The following GOSR1 variants were observed in gnomAD, a reference collection of about 807,000 sequenced individuals.
GOSR1 encodes the protein golgi SNAP receptor complex member 1.
A neutral mutation model predicts 35.5 loss-of-function variants in GOSR1; 21 were observed. That is an observed-to-expected ratio of 0.59 (90% confidence interval 0.42 to 0.85). The LOEUF is 0.85. GOSR1 is among the 40% of genes least tolerant of loss of function. The pLI is 0.00. For synonymous variants in GOSR1, 94 were observed against 106.6 expected, an observed-to-expected ratio of 0.88 and a Z score of 0.73; for missense variants, 285 against 309.6, an observed-to-expected ratio of 0.92 and a Z score of 0.60.
chr17:30,488,577 A>G (rs1361762296), intron 4 of GOSR1, among the ~76,000 whole-genome samples: 1 of 140,458 alleles, frequency 7.1e-6, no homozygotes, highest in Non-Finnish European at 1.5e-5. Context: ...TCTGTTGCCT[A>G]GGCTGGAGTG....
chr17:30,483,517 A>G (rs552027933), intron 2 of GOSR1, among the ~76,000 whole-genome samples: 1 of 152,320 alleles, frequency 6.6e-6, no homozygotes, highest in South Asian at 2.1e-4. Context: ...TTAGTAGTCT[A>G]CAGAGCATTT....
intron 1 of GOSR1, among the ~76,000 whole-genome samples, chr17:30,480,481 G>A (rs937579709): frequency 1.3e-5 from 2 of 151,962 alleles, no homozygotes; most frequent in African/African-American, 2.4e-5. Flanking sequence ...CATATTTTTA[G>A]TTCCTTTGTG....
intron 6 of GOSR1, among the ~76,000 whole-genome samples, chr17:30,507,700 G>A (rs555081329): frequency 1.3e-5 from 2 of 148,890 alleles, no homozygotes; most frequent in African/African-American, 5.0e-5. Flanking sequence ...TCCAGCCAGG[G>A]CGACACAGCA....
intron 7 of GOSR1, among the ~76,000 whole-genome samples, 195 bp downstream of exon 7, chr17:30,511,104 T>C (rs1967596274): frequency 6.6e-6 from 1 of 152,228 alleles, no homozygotes; most frequent in Non-Finnish European, 1.5e-5. Flanking sequence ...CAAAGTAACA[T>C]TTCCATAGTT....
chr17:30,492,850 C>A (rs1369259728), intron 6 of GOSR1, 97 bp downstream of exon 6: 2 of 744,792 alleles, frequency 2.7e-6, no homozygotes, highest in African/African-American at 3.5e-5. Context: ...ATACTGAGTG[C>A]CTTGTCCATG....
In GOSR1 at chr17:30,523,884, C is replaced by T. The variant is rs1458178918; in HGVS notation, c.*1506C>T. On this transcript the variant is annotated 3_prime_UTR_variant, in exon 9 of 9. Coordinates refer to ENST00000451249, the MANE Select transcript of GOSR1 (RefSeq NM_001007025.2). ...TTGTTCTGTACTAAGAAAAATTCTTCTGCCTTGGGATCCTGTTGATCTATG... is the reference window on the plus strand; with the variant it reads ...TTGTTCTGTACTAAGAAAAATTCTTTTGCCTTGGGATCCTGTTGATCTATG... The T allele has an allele frequency of 8.9e-6, 2 of 224,644 alleles. No individual in the cohort carries two copies. Among genetic ancestry groups the T allele is most frequent in the East Asian group, 1.6e-4 (1 of 6,344 alleles). The allele number at this position is 224,644 out of a possible 1,614,324, so 13.9% of individuals were successfully genotyped here. A position where few individuals can be genotyped will look rare whatever the true frequency, so the allele number is the denominator to read the frequency against.
At position 30,523,868 on chromosome 17, in the gene GOSR1, A is replaced by G; in HGVS notation, c.*1490A>G. ...TGGGAGACTTTTCATTTTGTTCTGT[A>G]CTAAGAAAAATTCTTCTGCCTTGGG... On this transcript the variant is annotated 3_prime_UTR_variant, in exon 9 of 9. Coordinates refer to ENST00000451249, the MANE Select transcript of GOSR1 (RefSeq NM_001007025.2). 4.6e-6 allele frequency: 1 copy of G among 215,490 alleles called. No homozygotes were observed. Among genetic ancestry groups the G allele is most frequent in the Non-Finnish European group, 9.0e-6 (1 of 111,342 alleles). 13.3% of individuals were successfully genotyped at this position (215,490 alleles called of 1,614,324 possible).
intron 7 of GOSR1, among the ~76,000 whole-genome samples, chr17:30,517,546 T>C (rs904658510): frequency 1.3e-5 from 2 of 152,170 alleles, no homozygotes; most frequent in Admixed American, 1.3e-4. Flanking sequence ...TATGGTTATA[T>C]CATAATCTAT....
At chr17:30,481,085 T>A in intron 1 of GOSR1, 58 bp from the exon 2 acceptor site, 2 of 1,074,070 alleles carry the variant, frequency 1.9e-6, no homozygotes, top group Non-Finnish European at 2.9e-6. Flanking sequence ...AGAATGGTGC[T>A]GTGATTTTTG....
rs759749409 is a variant in GOSR1, at chr17:30,522,315, G to A, written c.684G>A (p.Ser228=). The part of the protein sequence containing the change: ...QRINLRKRRD[S]LILGGVIGIC... ...TCAACCTGAGGAAGCGGCGGGACTC[G>A]CTCATCCTAGGGGGTGTTATTGGGA... is the stretch of plus-strand genomic sequence containing the variant. The change falls in exon 9 of 9, where the codon TCG becomes TCA. Residue 228 remains serine, a synonymous_variant. Transcript: ENST00000451249. 6 of 1,608,984 alleles carry A rather than the reference G, an allele frequency of 3.7e-6. No individual in the cohort carries two copies. The highest frequency in any genetic ancestry group is 1.7e-5 in the Admixed American group (1 of 59,752).
rs761237681 is a variant in GOSR1, at chr17:30,522,305, G to A, written c.674G>A (p.Arg225Gln). ...ATCCAGAGGATCAACCTGAGGAAGCGGCGGGACTCGCTCATCCTAGGGGGT... is the reference window on the plus strand; with the variant it reads ...ATCCAGAGGATCAACCTGAGGAAGCAGCGGGACTCGCTCATCCTAGGGGGT... ...SLIQRINLRK[R>Q]RDSLILGGVI... The change falls in exon 9 of 9, where the codon CGG (arginine) becomes CAG (glutamine). Residue 225 changes from arginine (R) to glutamine (Q), a missense_variant. Physicochemically the swap from Arg to Gln is conservative, Grantham distance 43. This residue lies in a region of GOSR1 where 168 missense variants were observed against 183.2 expected (regional missense o/e 0.92). Transcript: ENST00000451249. The A allele has an allele frequency of 1.2e-5, 19 of 1,610,274 alleles. No homozygotes were observed. The highest frequency in any genetic ancestry group is 5.0e-5 in the Admixed American group (3 of 59,796).
chr17:30,506,057 C>T (rs1967392910), intron 6 of GOSR1, among the ~76,000 whole-genome samples: 1 of 152,152 alleles, frequency 6.6e-6, no homozygotes, highest in African/African-American at 2.4e-5. Context: ...CTGTGTCATC[C>T]ACCATCCATT....
In GOSR1 at chr17:30,523,533, C is replaced by G; in HGVS notation, c.*1155C>G. On this transcript the variant is annotated 3_prime_UTR_variant, in exon 9 of 9. Coordinates refer to ENST00000451249, the MANE Select transcript of GOSR1 (RefSeq NM_001007025.2). ...CCGTCCGGGAGGGAGGTGGGGGGGT[C>G]AGCCCCCCGCCCGGCCAGCCGCCCC... The G allele has an allele frequency of 6.5e-6, 1 of 153,878 alleles. No individual in the cohort carries two copies. Among genetic ancestry groups the G allele is most frequent in the Middle Eastern group, 3.1e-3 (1 of 318 alleles). 9.5% of individuals were successfully genotyped at this position (153,878 alleles called of 1,614,324 possible). A position where few individuals can be genotyped will look rare whatever the true frequency, so the allele number is the denominator to read the frequency against.
chr17:30,477,974 G>T lies in GOSR1; in HGVS notation c.31+510G>T, dbSNP rs1376453234. 30 of 976,184 alleles carry T rather than the reference G, an allele frequency of 3.1e-5. 1 individual carries two copies. Among genetic ancestry groups the T allele is most frequent in the Non-Finnish European group, 3.7e-5 (30 of 821,788 alleles). 60.5% of individuals were successfully genotyped at this position (976,184 alleles called of 1,614,324 possible). The stretch of plus-strand genomic sequence containing the variant: ...ATAGGAGACAGAATGTCTCTTATTG[G>T]GTCTCCATGACAACTACAGGTTGGG... On this transcript the variant is annotated intron_variant, in intron 1 of 8. Coordinates refer to ENST00000451249, the MANE Select transcript of GOSR1 (RefSeq NM_001007025.2).
At chr17:30,498,789 G>C (rs1049012943) in intron 6 of GOSR1, among the ~76,000 whole-genome samples, 5 of 152,128 alleles carry the variant, frequency 3.3e-5, no homozygotes, top group African/African-American at 1.2e-4. Flanking sequence ...AGTGAGCAGT[G>C]GGGGGGCTCT....
chr17:30,511,255 A>G (rs1967602977), intron 7 of GOSR1, among the ~76,000 whole-genome samples: 1 of 152,254 alleles, frequency 6.6e-6, no homozygotes, highest in Non-Finnish European at 1.5e-5. Flanking sequence ...TGCCATTCAT[A>G]TAGACTTTGC....
At chr17:30,518,125 T>C (rs963888699) in intron 7 of GOSR1, among the ~76,000 whole-genome samples, 2 of 152,186 alleles carry the variant, frequency 1.3e-5, no homozygotes, top group Non-Finnish European at 2.9e-5. Flanking sequence ...AACCCCTGTG[T>C]ATGCAGATCC....
At chr17:30,495,388 TC>T (rs1423242073) in intron 6 of GOSR1, 3 of 451,430 alleles carry the variant, frequency 6.6e-6, no homozygotes, top group East Asian at 1.4e-4. Flanking sequence ...ATAAAATACG[TC>T]TTCTGTATTT....
At chr17:30,508,062 T>C (rs541552123) in intron 6 of GOSR1, among the ~76,000 whole-genome samples, 1 of 152,346 alleles carries the variant, frequency 6.6e-6, no homozygotes, top group African/African-American at 2.4e-5. Flanking sequence ...CAGTTTTTCC[T>C]AAGTGAAGAG....
Sources: allele counts gnomAD v4.1 joint callset (sites outside exome capture counted in the v4.1 genomes callset), GRCh38; gene constraint gnomAD v4.1.1; regional missense constraint gnomAD v4.1.1; transcripts MANE v1.5; gene names NCBI Gene and HGNC (gene_info 2026-07-23, HGNC 2026-07-21).